The following PARVA variants were observed in gnomAD, a reference collection of about 807,000 sequenced individuals.
PARVA encodes the protein parvin alpha, also known as alpha-parvin.
Under a neutral mutation model 52.6 loss-of-function variants are expected in PARVA, and 25 were observed. The observed-to-expected ratio is 0.48, with a 90% CI of 0.35 to 0.66. The LOEUF (loss-of-function observed/expected upper bound fraction) is 0.66, where lower values mean the gene tolerates loss of function less well. Among genes scored for constraint, PARVA ranks in the 30% least tolerant of loss-of-function variants. PARVA has a pLI of 0.01. For synonymous variants in PARVA, 185 were observed against 179.1 expected, an observed-to-expected ratio of 1.03 and a Z score of -0.26; for missense variants, 373 against 450.9, an observed-to-expected ratio of 0.83 and a Z score of 1.56.
intron 6 of PARVA, among the ~76,000 whole-genome samples, chr11:12,506,395 T>G (rs557119894): frequency 1.3e-5 from 2 of 152,230 alleles, no homozygotes; most frequent in Non-Finnish European, 2.9e-5. Context: ...TCCAGTCCAG[T>G]TCTTTGTGCA....
chr11:12,397,496 G>A (rs529405336), intron 1 of PARVA, among the ~76,000 whole-genome samples: 33 of 152,172 alleles, frequency 2.2e-4, no homozygotes, highest in South Asian at 6.2e-4. Context: ...TTTTAAGTTT[G>A]GATTTTGCTG....
chr11:12,427,916 G>A (rs1430152116), intron 1 of PARVA, among the ~76,000 whole-genome samples: 2 of 152,186 alleles, frequency 1.3e-5, no homozygotes, highest in Admixed American at 6.5e-5. Flanking sequence ...GTGTGTCCCC[G>A]AAGCTTGTAT....
intron 1 of PARVA, among the ~76,000 whole-genome samples, chr11:12,388,932 G>A (rs1255299197): frequency 1.3e-5 from 2 of 151,828 alleles, no homozygotes; most frequent in Non-Finnish European, 2.9e-5. Context: ...CTTTACTTTG[G>A]GTAGAGTCCT....
intron 3 of PARVA, among the ~76,000 whole-genome samples, chr11:12,474,650 C>T (rs1185874402): frequency 6.6e-6 from 1 of 151,962 alleles, no homozygotes; most frequent in South Asian, 2.1e-4. Context: ...CTGGGCAATG[C>T]GATGAAACAT....
rs1359237765 is a variant in PARVA, at chr11:12,529,388, T to C, written c.*1463T>C. 6.6e-6 allele frequency: 1 copy of C among 152,128 alleles called. No individual in the cohort carries two copies. The highest frequency in any genetic ancestry group is 1.5e-5 in the Non-Finnish European group (1 of 68,034). 9.4% of individuals were successfully genotyped at this position (152,128 alleles called of 1,614,324 possible). A position where few individuals can be genotyped will look rare whatever the true frequency, so the allele number is the denominator to read the frequency against. ...GGGGAAAATATTTGCACTCTAAACA[T>C]ACAGAGATAGAGGTGGGGCTTGTGG... On this transcript the variant is annotated 3_prime_UTR_variant, in exon 13 of 13. Coordinates refer to ENST00000334956, the MANE Select transcript of PARVA (RefSeq NM_018222.5).
chr11:12,459,644 TAC>T (rs556343806), intron 1 of PARVA, among the ~76,000 whole-genome samples: 294 of 152,084 alleles, frequency 1.9e-3, no homozygotes, highest in African/African-American at 6.9e-3. Context: ...GTACCTTCAA[TAC>T]AGATTGAGAA....
intron 1 of PARVA, among the ~76,000 whole-genome samples, chr11:12,453,500 G>A (rs1940652108): frequency 6.6e-6 from 1 of 152,006 alleles, no homozygotes; most frequent in Admixed American, 6.5e-5. Flanking sequence ...GATTAGTGAC[G>A]GTAATAGGAA....
At chr11:12,496,371 A>ATGCATGAGTGCATGG in intron 4 of PARVA, 87 bp from the exon 5 acceptor site, 3 of 998,120 alleles carry the variant, frequency 3.0e-6, no homozygotes, top group Non-Finnish European at 4.1e-6. Context: ...TGAGTGCATG[A>ATGCATGAGTGCATGG]GAGACCGAAT....
intron 1 of PARVA, among the ~76,000 whole-genome samples, chr11:12,456,507 T>C (rs1045790444): frequency 6.6e-5 from 10 of 152,032 alleles, no homozygotes; most frequent in Non-Finnish European, 4.4e-5. Flanking sequence ...TGCAAAACTC[T>C]GCTTGTATCT....
chr11:12,512,485 TCTC>T (rs548307281), intron 8 of PARVA, among the ~76,000 whole-genome samples: 1 of 152,042 alleles, frequency 6.6e-6, no homozygotes, highest in Admixed American at 6.5e-5. Flanking sequence ...TGGAGACCCT[TCTC>T]CTTTCCTGAG....
intron 1 of PARVA, among the ~76,000 whole-genome samples, chr11:12,463,974 T>TC (rs1339293042): frequency 4.8e-4 from 37 of 77,396 alleles, no homozygotes; most frequent in African/African-American, 1.9e-3. Context: ...CTGACATCCC[T>TC]CCTTTTTTTT....
chr11:12,476,594 T>G (rs1374187810), intron 3 of PARVA, among the ~76,000 whole-genome samples: 1 of 152,040 alleles, frequency 6.6e-6, no homozygotes, highest in East Asian at 1.9e-4. Flanking sequence ...GGGCCTCTTC[T>G]CTACTCTCTC....
intron 1 of PARVA, among the ~76,000 whole-genome samples, chr11:12,438,259 C>CA (rs1222652970): frequency 0.12 from 11,887 of 100,202 alleles, 624 homozygotes; most frequent in South Asian, 0.18. Flanking sequence ...GACTGCATCT[C>CA]AAAAAAAAAA....
chr11:12,395,846 G>C (rs1201150000), intron 1 of PARVA, among the ~76,000 whole-genome samples: 1 of 152,114 alleles, frequency 6.6e-6, no homozygotes, highest in Non-Finnish European at 1.5e-5. Context: ...TCAATATTTT[G>C]GAGGCAGAAT....
At chr11:12,398,177 G>T (rs61875447) in intron 1 of PARVA, 24,504 of 151,902 alleles carry the variant, frequency 0.16, 3,575 homozygotes, top group African/African-American at 0.39. Context: ...GATAATAAAT[G>T]ACATCCAAAG....
rs776369046 is a variant in PARVA at position 12,377,796 on chromosome 11, AGGCC to A, written c.136+20_136+23del. 6.8e-6 allele frequency: 10 copies of A among 1,480,170 alleles called. 2 individuals carry two copies. In the Middle Eastern group the frequency reaches 1.2e-3, roughly 181 times the overall value. 91.7% of individuals were successfully genotyped at this position (1,480,170 alleles called of 1,614,324 possible). Reference sequence around the variant, plus strand: ...AAAGCCAAGGAGGGTGAGTGCGGCCAGGCCGGCCGGGCGGGCGGTAGGAGCCGGG... The same window carrying A: ...AAAGCCAAGGAGGGTGAGTGCGGCCAGGCCGGGCGGGCGGTAGGAGCCGGG... On this transcript the variant is annotated intron_variant, in intron 1 of 12. Transcript: ENST00000334956.
intron 12 of PARVA, among the ~76,000 whole-genome samples, chr11:12,523,330 G>T (rs1439697232): frequency 6.6e-6 from 1 of 152,130 alleles, no homozygotes; most frequent in East Asian, 1.9e-4. Flanking sequence ...CCACCTAACT[G>T]ATTCCAGCCC....
chr11:12,466,429 C>T (rs1940855469), intron 1 of PARVA, among the ~76,000 whole-genome samples: 1 of 151,820 alleles, frequency 6.6e-6, no homozygotes, highest in Admixed American at 6.6e-5. Flanking sequence ...GTCTCAGCCT[C>T]CCAAGTAGCT....
At chr11:12,381,754 C>T (rs1385575806) in intron 1 of PARVA, among the ~76,000 whole-genome samples, 2 of 152,114 alleles carry the variant, frequency 1.3e-5, no homozygotes, top group Non-Finnish European at 2.9e-5. Flanking sequence ...AATACGTTTG[C>T]AAAACTGTGC....
Sources: gnomAD v4.1 joint callset for allele counts (sites outside exome capture counted in the v4.1 genomes callset) on GRCh38, gnomAD v4.1.1 for gene constraint, MANE v1.5 for transcripts, NCBI Gene and HGNC (gene_info 2026-07-23, HGNC 2026-07-21) for gene names.